Variants in DENR observed in about 807,000 individuals in gnomAD.
The protein encoded by DENR is density regulated re-initiation and release factor.
A neutral mutation model predicts 30.6 loss-of-function variants in DENR; 6 were observed. That is an observed-to-expected ratio of 0.20 (90% CI 0.11 to 0.39). The LOEUF is 0.39. Ranked by LOEUF, DENR falls within the 10% of genes least tolerant of loss-of-function variation. DENR has a pLI of 1.00. For synonymous variants in DENR, 78 were observed against 72.1 expected, an observed-to-expected ratio of 1.08 and a Z score of -0.41; for missense variants, 141 against 230.9, an observed-to-expected ratio of 0.61 and a Z score of 2.52.
At position 122,768,916 on chromosome 12, in the gene DENR, C is replaced by T; in HGVS notation, c.547C>T (p.Pro183Ser). 1 of 1,610,330 alleles carries T rather than the reference C, an allele frequency of 6.2e-7. No individual in the cohort carries two copies. Among genetic ancestry groups the T allele is most frequent in the South Asian group, 1.1e-5 (1 of 90,052 alleles). Residue 183 changes from proline to serine, a missense_variant, in exon 7 of 8, where the codon CCA (proline) becomes TCA (serine). By Grantham distance (74) the Pro-to-Ser change is moderately conservative. Around this residue, in one of 2 missense-constraint regions of DENR, gnomAD observed 37 missense variants for 92.6 expected, o/e 0.40. Transcript: ENST00000280557. ...AATTGATGTCATTCAGGAAAAATGG[C>T]CAGAGGTGAGTGCATGGAACACATA... Reference protein sequence around the residue: ...DIIDVIQEKWPEVDDDSIEDL... With the variant: ...DIIDVIQEKWSEVDDDSIEDL...
At position 122,769,055 on chromosome 12, in the gene DENR, G is replaced by C. The variant is rs768484434; in HGVS notation, c.574G>C (p.Asp192His). The stretch of plus-strand genomic sequence containing the variant: ...ATAGGTAGATGATGACAGCATCGAA[G>C]ATCTTGGAGAAGTAAAGAAGTGAAT... Reference protein sequence around the residue: ...WPEVDDDSIEDLGEVKK With the variant: ...WPEVDDDSIEHLGEVKK The change falls in exon 8 of 8, where the codon GAT becomes CAT. Residue 192 changes from aspartate to histidine, a missense_variant. Physicochemically the swap from Asp to His is moderately conservative, Grantham distance 81. Around this residue, in one of 2 missense-constraint regions of DENR, gnomAD observed 37 missense variants for 92.6 expected, o/e 0.40. Coordinates refer to ENST00000280557, the MANE Select transcript of DENR (RefSeq NM_003677.5). The C allele has an allele frequency of 1.9e-6, 3 of 1,610,412 alleles. No homozygotes were observed. Among genetic ancestry groups the C allele is most frequent in the Non-Finnish European group, 2.5e-6 (3 of 1,178,660 alleles).
chr12:122,763,221 G>A (rs1352961398), intron 4 of DENR: 2 of 185,868 alleles, frequency 1.1e-5, no homozygotes, highest in Non-Finnish European at 2.1e-5. Flanking sequence ...CTAACACAGT[G>A]AAACCCCATC....
intron 2 of DENR, among the ~76,000 whole-genome samples, chr12:122,754,646 T>C (rs1878500253): frequency 6.6e-6 from 1 of 152,164 alleles, no homozygotes; most frequent in Admixed American, 6.6e-5. Flanking sequence ...ACATCTGACA[T>C]TTAAGTACCG....
intron 6 of DENR, 93 bp from the exon 7 acceptor site, chr12:122,768,689 T>C (rs1878914028): frequency 1.3e-5 from 15 of 1,165,452 alleles, no homozygotes; most frequent in Non-Finnish European, 1.5e-5. Context: ...ATCTGTTTTA[T>C]GATTTTAAAA....
chr12:122,759,345 A>G (rs950403079), intron 2 of DENR, among the ~76,000 whole-genome samples: 21 of 152,204 alleles, frequency 1.4e-4, no homozygotes, highest in African/African-American at 4.6e-4. Flanking sequence ...GTGATCTGTA[A>G]AGAGAAATTG....
At chr12:122,755,621 A>G (rs903223765) in intron 2 of DENR, among the ~76,000 whole-genome samples, 14 of 152,310 alleles carry the variant, frequency 9.2e-5, no homozygotes, top group Admixed American at 2.0e-4. Flanking sequence ...AAACTGATAC[A>G]TTTATTTTAA....
intron 3 of DENR, among the ~76,000 whole-genome samples, chr12:122,762,520 GAAAGGGCAGTATA>G (rs1218432716): frequency 6.6e-6 from 1 of 152,216 alleles, no homozygotes; most frequent in East Asian, 1.9e-4. Flanking sequence ...GCAGAGGAAA[GAAAGGGCAGTATA>G]AATTATGTGT....
intron 2 of DENR, chr12:122,754,057 G>A: frequency 3.9e-6 from 2 of 512,158 alleles, no homozygotes; most frequent in Non-Finnish European, 7.1e-6. Context: ...GGTTATTTCA[G>A]CCTGAAGGTC....
Position 122,752,912 on chromosome 12 carries a change from G to A in DENR, c.-48G>A, listed in dbSNP as rs141967049. On this transcript the variant is annotated 5_prime_UTR_variant, in exon 1 of 8. Transcript: ENST00000280557. Reference sequence around the variant, plus strand: ...ATGTGTTGGTTCAGCTGGCGATAGCGGCGGGAGCGGAGCCGGCGGGGCCTG... The same window carrying A: ...ATGTGTTGGTTCAGCTGGCGATAGCAGCGGGAGCGGAGCCGGCGGGGCCTG... The A allele has an allele frequency of 6.6e-6, 1 of 152,536 alleles. No individual in the cohort carries two copies. The highest frequency in any genetic ancestry group is 2.4e-5 in the African/African-American group (1 of 41,478). The allele number at this position is 152,536 out of a possible 1,614,324, so 9.4% of individuals were successfully genotyped here. A position where few individuals can be genotyped will look rare whatever the true frequency, so the allele number is the denominator to read the frequency against.
chr12:122,757,915 A>T (rs1190562749), intron 2 of DENR, among the ~76,000 whole-genome samples: 1 of 152,182 alleles, frequency 6.6e-6, no homozygotes, highest in Non-Finnish European at 1.5e-5. Context: ...TCCTCCCCAA[A>T]TTTAGAAGAC....
intron 2 of DENR, among the ~76,000 whole-genome samples, chr12:122,759,192 C>T (rs1051270348): frequency 6.6e-6 from 1 of 152,064 alleles, no homozygotes; most frequent in Non-Finnish European, 1.5e-5. Context: ...AAGAAAGTTT[C>T]GTGGATGATG....
At chr12:122,766,101 C>T (rs1038422492) in intron 5 of DENR, among the ~76,000 whole-genome samples, 1 of 151,888 alleles carries the variant, frequency 6.6e-6, no homozygotes, top group Admixed American at 6.6e-5. Context: ...TACCTTATCC[C>T]TCTCCTTCCC....
intron 5 of DENR, among the ~76,000 whole-genome samples, 196 bp downstream of exon 5, chr12:122,765,583 T>C (rs935499179): frequency 1.3e-5 from 2 of 152,120 alleles, no homozygotes; most frequent in African/African-American, 2.4e-5. Flanking sequence ...TTCCTCCACA[T>C]AGCCACTGCA....
At chr12:122,762,269 C>T in intron 3 of DENR, 63 bp downstream of exon 3, 3 of 1,133,466 alleles carry the variant, frequency 2.6e-6, no homozygotes, top group South Asian at 1.6e-5. Flanking sequence ...TTTAAAGCTA[C>T]CTTGAGAATT....
chr12:122,758,008 A>G (rs1878595093), intron 2 of DENR, among the ~76,000 whole-genome samples: 1 of 152,208 alleles, frequency 6.6e-6, no homozygotes. Flanking sequence ...GAAATTTGTA[A>G]TTGAAAATAT....
At position 122,762,788 on chromosome 12, in the gene DENR, A is replaced by G. The variant is rs1489983273; in HGVS notation, c.127-57A>G. 4 of 1,170,808 alleles carry G rather than the reference A, an allele frequency of 3.4e-6. No individual in the cohort carries two copies. The Admixed American group carries it at 9.5e-5, about 28-fold the overall frequency. The allele number at this position is 1,170,808 out of a possible 1,614,324, so 72.5% of individuals were successfully genotyped here. A position where few individuals can be genotyped will look rare whatever the true frequency, so the allele number is the denominator to read the frequency against. Reference sequence around the variant, plus strand: ...GTATAGGGGGTGATTTTTAATTACGACATATTGTTTGACTGAAAATGTTTT... The same window carrying G: ...GTATAGGGGGTGATTTTTAATTACGGCATATTGTTTGACTGAAAATGTTTT... On this transcript the variant is annotated intron_variant, in intron 3 of 7. Coordinates refer to ENST00000280557, the MANE Select transcript of DENR (RefSeq NM_003677.5).
At position 122,769,158 on chromosome 12, in the gene DENR, ATATATATACACATATATATG is replaced by A. The variant is rs971373362; in HGVS notation, c.*98_*117del. Reference sequence around the variant, plus strand: ...GGGAGAGAGGCCTTTTAAAATATATATATATATACACATATATATGTATATATACACATATATGTATGTAT... The same window carrying A: ...GGGAGAGAGGCCTTTTAAAATATATATATATATACACATATATGTATGTAT... On this transcript the variant is annotated 3_prime_UTR_variant, in exon 8 of 8. Coordinates refer to ENST00000280557, the MANE Select transcript of DENR (RefSeq NM_003677.5). 378 of 1,325,428 alleles carry A rather than the reference ATATATATACACATATATATG, an allele frequency of 2.9e-4. 2 individuals are homozygous for A. The highest frequency in any genetic ancestry group is 1.2e-3 in the South Asian group (71 of 61,016). The allele number at this position is 1,325,428 out of a possible 1,614,324, so 82.1% of individuals were successfully genotyped here. A position where few individuals can be genotyped will look rare whatever the true frequency, so the allele number is the denominator to read the frequency against.
At chr12:122,760,732 AAAAT>A (rs1276612817) in intron 2 of DENR, among the ~76,000 whole-genome samples, 3 of 152,148 alleles carry the variant, frequency 2.0e-5, no homozygotes, top group Non-Finnish European at 4.4e-5. Flanking sequence ...CTCCGTCTCA[AAAAT>A]AAATAAATAA....
intron 5 of DENR, among the ~76,000 whole-genome samples, chr12:122,766,455 C>G (rs907576937): frequency 1.3e-5 from 2 of 152,284 alleles, no homozygotes; most frequent in Middle Eastern, 3.4e-3. Context: ...TTGGATGATT[C>G]TATCACATCC....
Sources: gnomAD v4.1 joint callset for allele counts (sites outside exome capture counted in the v4.1 genomes callset) on GRCh38, gnomAD v4.1.1 for gene constraint, gnomAD v4.1.1 regional missense constraint, MANE v1.5 for transcripts, NCBI Gene and HGNC (gene_info 2026-07-23, HGNC 2026-07-21) for gene names.